The following PRDM16 variants were observed in gnomAD, a reference collection of about 807,000 sequenced individuals.
PRDM16 encodes the protein histone-lysine N-methyltransferase PRDM16.
PRDM16 carries 23 observed loss-of-function variants against 110.6 expected under a neutral mutation model. The observed-to-expected ratio is 0.21, with a 90% CI of 0.15 to 0.29. PRDM16 has a LOEUF of 0.29. Among genes scored for constraint, PRDM16 ranks in the 10% least tolerant of loss-of-function variants. The probability of loss-of-function intolerance (pLI) is 1.00; values close to 1 mark genes in which losing one functional copy is unlikely to be tolerated. For missense variants in PRDM16, 1,615 were observed against 1,794.3 expected (o/e 0.90, Z 1.81); for synonymous variants, 799 against 781.8 (o/e 1.02, Z -0.37).
chr1:3,290,313 G>A lies in PRDM16; in HGVS notation c.438+46176G>A, dbSNP rs1281500962. 1.3e-5 allele frequency among the ~76,000 whole-genome samples: 2 copies of A among 152,178 alleles called. No homozygotes were observed. Among genetic ancestry groups the A allele is most frequent in the Non-Finnish European group, 2.9e-5 (2 of 68,030 alleles). On this transcript the variant is annotated intron_variant, in intron 3 of 16. Coordinates refer to ENST00000270722, the MANE Select transcript of PRDM16 (RefSeq NM_022114.4). The surrounding 1 kb of genome is among the most constrained non-coding windows in gnomAD (Gnocchi z 4.8). The stretch of plus-strand genomic sequence containing the variant: ...CCACAGGGCTCAGGGGTCCTCAGAG[G>A]TGTCGCCCCTTCCATGCTCAAAATG...
chr1:3,090,121 G>A (rs1642242611), intron 1 of PRDM16, among the ~76,000 whole-genome samples: 1 of 152,242 alleles, frequency 6.6e-6, no homozygotes, highest in Non-Finnish European at 1.5e-5. Flanking sequence ...GGCCCTGTGT[G>A]CTCATTCGTG....
intron 10 of PRDM16, among the ~76,000 whole-genome samples, chr1:3,416,639 C>T (rs1638272481): frequency 6.6e-6 from 1 of 152,210 alleles, no homozygotes; most frequent in Non-Finnish European, 1.5e-5. Context: ...CTGCCTCACC[C>T]TTGCCCTCCC....
chr1:3,330,440 G>T (rs1642018479), intron 3 of PRDM16, among the ~76,000 whole-genome samples: 1 of 152,218 alleles, frequency 6.6e-6, no homozygotes, highest in South Asian at 2.1e-4. Context: ...AATGACAGTG[G>T]CCCTGAACAG....
intron 3 of PRDM16, among the ~76,000 whole-genome samples, chr1:3,292,091 T>C (rs1220918857): frequency 1.3e-5 from 2 of 151,726 alleles, no homozygotes; most frequent in Non-Finnish European, 2.9e-5. Flanking sequence ...AGGGCAGATT[T>C]TCTGGGCCCA....
intron 2 of PRDM16, among the ~76,000 whole-genome samples, chr1:3,239,247 G>A (rs1639607999): frequency 6.6e-6 from 1 of 152,340 alleles, no homozygotes; most frequent in East Asian, 1.9e-4. Context: ...AGATGTGGAG[G>A]CTCAGTGTGG....
rs746503102 is a variant in PRDM16, at chr1:3,186,194, A to C, written c.107A>C (p.Asp36Ala). Residue 36 changes from aspartate to alanine, a missense_variant, in exon 2 of 17, where the codon GAC (aspartate) becomes GCC (alanine). Around this residue, in one of 5 missense-constraint regions of PRDM16, gnomAD observed 416 missense variants for 467.1 expected, o/e 0.89. Coordinates refer to ENST00000270722, the MANE Select transcript of PRDM16 (RefSeq NM_022114.4). ...CTGCTGGCCAGCCACAGCGCGGAGG[A>C]CGAGGCCGAGGACAGTGCCATGTCG... is the stretch of plus-strand genomic sequence containing the variant. The part of the protein sequence containing the change: ...RDLLASHSAE[D>A]EAEDSAMSPI... 23 of 1,612,730 alleles carry C rather than the reference A, an allele frequency of 1.4e-5. No homozygotes were observed. The highest frequency in any genetic ancestry group is 2.2e-5 in the East Asian group (1 of 44,892).
rs940418631 is a variant in PRDM16, at chr1:3,243,137, C to G, written c.388-950C>G. ...CGACTGCTGGCCCACTCCAGCCTCC[C>G]TGTCTCGGCCTCTGTCCACACGTGG... On this transcript the variant is annotated intron_variant, in intron 2 of 16. Transcript: ENST00000270722. The surrounding 1 kb of genome is among the most constrained non-coding windows in gnomAD (Gnocchi z 5.5). Among the ~76,000 whole-genome samples, 4 of 152,240 alleles carry G rather than the reference C, an allele frequency of 2.6e-5. No individual in the cohort carries two copies. Among genetic ancestry groups the G allele is most frequent in the Admixed American group, 2.6e-4 (4 of 15,290 alleles).
At chr1:3,276,970 G>A (rs949180563) in intron 3 of PRDM16, among the ~76,000 whole-genome samples, 4 of 152,082 alleles carry the variant, frequency 2.6e-5, no homozygotes, top group African/African-American at 9.7e-5. Context: ...TCTCGTCCCC[G>A]TGGTGTTTGC....
Position 3,321,026 on chromosome 1 carries a change from G to A in PRDM16, c.439-64126G>A, listed in dbSNP as rs536010507. ...ATGGAGCCTGACTCGTGTCCTCTGC[G>A]AGGGATAGAGCCTGGACACTGTGGT... On this transcript the variant is annotated intron_variant, in intron 3 of 16. Coordinates refer to ENST00000270722, the MANE Select transcript of PRDM16 (RefSeq NM_022114.4). 7.2e-4 allele frequency among the ~76,000 whole-genome samples: 110 copies of A among 152,334 alleles called. 2 individuals carry two copies. In the South Asian group the frequency reaches 0.016, roughly 22 times the overall value.
chr1:3,101,494 T>G (rs1458819141), intron 1 of PRDM16, among the ~76,000 whole-genome samples: 1 of 152,106 alleles, frequency 6.6e-6, no homozygotes, highest in Non-Finnish European at 1.5e-5. Flanking sequence ...TGGGACAGGC[T>G]GGGGGAGCGG....
intron 1 of PRDM16, among the ~76,000 whole-genome samples, chr1:3,173,087 C>A (rs574338839): frequency 1.3e-5 from 2 of 152,340 alleles, no homozygotes; most frequent in African/African-American, 4.8e-5. Context: ...AGGAGAGGCA[C>A]CCCGCTCTGC....
At chr1:3,128,755 C>T (rs889788584) in intron 1 of PRDM16, among the ~76,000 whole-genome samples, 2 of 152,214 alleles carry the variant, frequency 1.3e-5, no homozygotes, top group African/African-American at 4.8e-5. Flanking sequence ...GGTGGCAACG[C>T]TCCAATGGCT....
intron 3 of PRDM16, among the ~76,000 whole-genome samples, chr1:3,327,578 T>C (rs1031771562): frequency 1.3e-5 from 2 of 152,234 alleles, no homozygotes; most frequent in Non-Finnish European, 2.9e-5. Flanking sequence ...GCAGAGCGTA[T>C]CAGCCGCTGC....
chr1:3,411,866 C>A lies in PRDM16; in HGVS notation c.1669C>A (p.Pro557Thr). 6.2e-7 allele frequency: 1 copy of A among 1,612,268 alleles called. No individual in the cohort carries two copies. Among genetic ancestry groups the A allele is most frequent in the Non-Finnish European group, 8.5e-7 (1 of 1,179,028 alleles). Residue 557 changes from proline to threonine, a missense_variant, in exon 9 of 17, where the codon CCC becomes ACC. Physicochemically the swap from Pro to Thr is conservative, Grantham distance 38 (BLOSUM62 -1). This residue lies in a region of PRDM16 where 772 missense variants were observed against 748.3 expected (regional missense o/e 1.03). Coordinates refer to ENST00000270722, the MANE Select transcript of PRDM16 (RefSeq NM_022114.4). Reference sequence around the variant, plus strand: ...CAGTCCCCTGGGGAACCCAGCCCTGCCCCTGGTCTCCGCCGTCAGCAACAG... The same window carrying A: ...CAGTCCCCTGGGGAACCCAGCCCTGACCCTGGTCTCCGCCGTCAGCAACAG... ...LPSPLGNPAL[P>T]LVSAVSNSSQ...
intron 2 of PRDM16, among the ~76,000 whole-genome samples, chr1:3,224,602 C>T (rs970592390): frequency 4.6e-5 from 7 of 152,252 alleles, no homozygotes; most frequent in African/African-American, 1.4e-4. Flanking sequence ...GAAGAGAAAA[C>T]GTGCTCCGGT....
intron 3 of PRDM16, among the ~76,000 whole-genome samples, chr1:3,320,314 A>G (rs1641709776): frequency 6.6e-6 from 1 of 151,918 alleles, no homozygotes; most frequent in South Asian, 2.1e-4. Flanking sequence ...TCAAGAGTAG[A>G]TGTGTGTGTG....
intron 1 of PRDM16, among the ~76,000 whole-genome samples, chr1:3,135,421 GA>G (rs1424385556): frequency 1.3e-5 from 2 of 152,206 alleles, no homozygotes; most frequent in African/African-American, 4.8e-5. Context: ...TTTCTTATCT[GA>G]GTTAAACAAT....
In PRDM16 at chr1:3,190,926, C is replaced by T. The variant is rs1330590858; in HGVS notation, c.387+4452C>T. 1.3e-5 allele frequency among the ~76,000 whole-genome samples: 2 copies of T among 152,198 alleles called. No individual in the cohort carries two copies. Among genetic ancestry groups the T allele is most frequent in the African/African-American group, 2.4e-5 (1 of 41,460 alleles). Reference sequence around the variant, plus strand: ...TGAGGCACTGGGGAGGCCACCTGCCCCCGGCTGGGCCTTCAGCTGTGTGTC... The same window carrying T: ...TGAGGCACTGGGGAGGCCACCTGCCTCCGGCTGGGCCTTCAGCTGTGTGTC... On this transcript the variant is annotated intron_variant, in intron 2 of 16. Transcript: ENST00000270722. This position sits in a 1 kb window ranked among gnomAD's most constrained non-coding sequence, Gnocchi z 5.0.
chr1:3,223,855 C>T (rs1329128482), intron 2 of PRDM16, among the ~76,000 whole-genome samples: 2 of 152,204 alleles, frequency 1.3e-5, no homozygotes, highest in African/African-American at 4.8e-5. Flanking sequence ...CATCACCCAC[C>T]TTGTCCACTG....
Sources: gnomAD v4.1 joint callset for allele counts (sites outside exome capture counted in the v4.1 genomes callset) on GRCh38, gnomAD v4.1.1 for gene constraint, gnomAD v4.1.1 regional missense constraint, Gnocchi (gnomAD v3.1) non-coding constraint, MANE v1.5 for transcripts, NCBI Gene and HGNC (gene_info 2026-07-23, HGNC 2026-07-21) for gene names.